Variants in FBN1 observed in about 807,000 individuals in gnomAD.
FBN1 encodes the protein fibrillin 1.
In FBN1, 29 loss-of-function variants were observed where a neutral mutation model predicts 365.1. The observed-to-expected ratio is 0.08, with a 90% CI of 0.06 to 0.11. The LOEUF is 0.11. Among genes scored for constraint, FBN1 ranks in the 10% least tolerant of loss-of-function variants. The pLI is 1.00. For synonymous variants in FBN1, 1,210 were observed against 1,270.5 expected (o/e 0.95, Z 1.01); for missense variants, 2,476 against 3,703.2 (o/e 0.67, Z 8.60).
chr15:48,644,395 C>G, intron 2 of FBN1: 1 of 685,034 alleles, frequency 1.5e-6, no homozygotes, highest in Non-Finnish European at 2.5e-6. Context: ...TTCCATTTAA[C>G]CACGTCCTCT....
intron 43 of FBN1, 81 bp from the exon 44 acceptor site, chr15:48,456,843 C>CGTGTGCGTGCGTGTGT (rs2043243497): frequency 4.0e-6 from 3 of 744,622 alleles, no homozygotes; most frequent in Non-Finnish European, 6.8e-6. Context: ...AAAGTGCGTG[C>CGTGTGCGTGCGTGTGT]GTGTGTGTGT....
At chr15:48,569,278 C>T (rs2044286428) in intron 6 of FBN1, among the ~76,000 whole-genome samples, 3 of 152,164 alleles carry the variant, frequency 2.0e-5, no homozygotes, top group African/African-American at 2.4e-5. Context: ...GACATCATTT[C>T]ACATCCACTA....
chr15:48,420,734 C>G lies in FBN1; in HGVS notation c.7772G>C (p.Ser2591Thr). ...GTGCTGGAGGTAGCCCTGGGGGCAGCTGCACCTGTAGCCCCCAATGATGTT... is the reference window on the plus strand; with the variant it reads ...GTGCTGGAGGTAGCCCTGGGGGCAGGTGCACCTGTAGCCCCCAATGATGTT... ...CQNIIGGYRCSCPQGYLQHYQ... is the reference protein window; with the variant it reads ...CQNIIGGYRCTCPQGYLQHYQ... Residue 2591 changes from serine (S) to threonine (T), a missense_variant, in exon 63 of 66, where the codon AGC (serine) becomes ACC (threonine). Transcript: ENST00000316623. The G allele has an allele frequency of 6.2e-7, 1 of 1,614,150 alleles. No homozygotes were observed. Among genetic ancestry groups the G allele is most frequent in the Non-Finnish European group, 8.5e-7 (1 of 1,180,010 alleles).
intron 6 of FBN1, among the ~76,000 whole-genome samples, chr15:48,547,335 G>C (rs1356974941): frequency 6.6e-6 from 1 of 152,154 alleles, no homozygotes; most frequent in African/African-American, 2.4e-5. Flanking sequence ...TCCTGGCGTG[G>C]TGGGTGGGAT....
chr15:48,597,795 T>C (rs1359676529), intron 5 of FBN1, among the ~76,000 whole-genome samples: 1 of 152,228 alleles, frequency 6.6e-6, no homozygotes, highest in African/African-American at 2.4e-5. Context: ...ATGAAGAGCT[T>C]CTAAACAGAA....
At chr15:48,555,010 C>G (rs954800587) in intron 6 of FBN1, among the ~76,000 whole-genome samples, 3 of 152,120 alleles carry the variant, frequency 2.0e-5, no homozygotes, top group African/African-American at 7.2e-5. Context: ...GTTTCTTCAA[C>G]GTGAGACAGA....
chr15:48,516,048 T>C lies in FBN1; in HGVS notation c.1327+135A>G, dbSNP rs980348490. 4.7e-6 allele frequency: 4 copies of C among 854,656 alleles called. No homozygotes were observed. In the African/African-American group the frequency reaches 6.9e-5, roughly 15 times the overall value. The allele number at this position is 854,656 out of a possible 1,614,324, so 52.9% of individuals were successfully genotyped here. On this transcript the variant is annotated intron_variant, in intron 11 of 65. Transcript: ENST00000316623. ...GACATACATATGATATAGATATAGA[T>C]AACATTATGTAAACCAAAAATTAAT... is the stretch of plus-strand genomic sequence containing the variant.
chr15:48,645,104 C>A (rs148978012), intron 1 of FBN1, among the ~76,000 whole-genome samples, 154 bp from the exon 2 acceptor site: 95 of 152,376 alleles, frequency 6.2e-4, no homozygotes, highest in Admixed American at 1.6e-3. Flanking sequence ...CCACAGCTGG[C>A]TGGAAAGCCC....
Position 48,596,258 on chromosome 15 carries a change from C to T in FBN1, c.538+25G>A, listed in dbSNP as rs61323481. ...AGCTTTAGGTACCAGCATGTCTTTA[C>T]GTAAATGATTTTAAAAACCATTACC... On this transcript the variant is annotated intron_variant, in intron 6 of 65. Coordinates refer to ENST00000316623, the MANE Select transcript of FBN1 (RefSeq NM_000138.5). The T allele has an allele frequency of 2.8e-3, 4,448 of 1,600,402 alleles. 115 individuals are homozygous for T. In the African/African-American group the frequency reaches 0.052, roughly 19 times the overall value.
rs753656400 is a variant in FBN1, at chr15:48,411,230, T to C, written c.8376A>G (p.Arg2792=). 1 of 1,614,192 alleles carries C rather than the reference T, an allele frequency of 6.2e-7. No homozygotes were observed. Among genetic ancestry groups the C allele is most frequent in the South Asian group, 1.1e-5 (1 of 91,082 alleles). The change falls in exon 66 of 66, where the codon AGA becomes AGG. Residue 2792 remains arginine (R), a synonymous_variant. Coordinates refer to ENST00000316623, the MANE Select transcript of FBN1 (RefSeq NM_000138.5). ...PALTTLTNHN[R]YLIESGNEDG... is the part of the protein sequence containing the mutation. ...CTTCATTTCCAGATTCGATCAAGTATCTGTTGTGATTCGTCAGAGTTGTAA... is the reference window on the plus strand; with the variant it reads ...CTTCATTTCCAGATTCGATCAAGTACCTGTTGTGATTCGTCAGAGTTGTAA...
chr15:48,494,368 G>C (rs1758165404), intron 22 of FBN1, 114 bp from the exon 23 acceptor site: 2 of 800,560 alleles, frequency 2.5e-6, no homozygotes, highest in South Asian at 2.8e-5. Context: ...ACATGAAGTA[G>C]ATTGTGTTGC....
At chr15:48,468,371 C>A in intron 37 of FBN1, 41 bp downstream of exon 37, 1 of 1,612,364 alleles carries the variant, frequency 6.2e-7, no homozygotes, top group Non-Finnish European at 8.5e-7. Context: ...CAAAATAATA[C>A]ACAGTATGCT....
intron 21 of FBN1, 28 bp from the exon 22 acceptor site, chr15:48,495,288 G>A (rs1360660288): frequency 6.2e-7 from 1 of 1,611,372 alleles, no homozygotes; most frequent in Admixed American, 1.7e-5. Context: ...ATATTTAATA[G>A]AATCTATATA....
chr15:48,422,128 T>TG (rs2141222690), intron 60 of FBN1, 60 bp from the exon 61 acceptor site: 1 of 1,168,354 alleles, frequency 8.6e-7, no homozygotes, highest in African/African-American at 1.5e-5. Context: ...TCAGGGAAGC[T>TG]GACCCTATGA....
chr15:48,527,059 C>T (rs568324387), intron 8 of FBN1, among the ~76,000 whole-genome samples: 5 of 152,318 alleles, frequency 3.3e-5, no homozygotes, highest in Admixed American at 2.6e-4. Flanking sequence ...CCTCCGATTC[C>T]CCAATTCCTT....
rs2043544817 is a variant in FBN1 at position 48,490,035 on chromosome 15, CTCCTCG to C, written c.2892_2897del (p.Asp964_Glu965del). On this transcript the variant is annotated inframe_deletion, in exon 25 of 66. Transcript: ENST00000316623. ...GGCGGCCAGCAATAGGCAGGGTGCA[CTCCTCG>C]TCCTCGTACCTCAGGAAGCAGGTTT... 1 of 1,614,000 alleles carries C rather than the reference CTCCTCG, an allele frequency of 6.2e-7. No individual in the cohort carries two copies. The highest frequency in any genetic ancestry group is 1.3e-5 in the African/African-American group (1 of 74,896).
intron 15 of FBN1, among the ~76,000 whole-genome samples, chr15:48,505,717 AC>A (rs1364516610): frequency 6.6e-6 from 1 of 152,212 alleles, no homozygotes; most frequent in East Asian, 1.9e-4. Flanking sequence ...TTGGCCAATA[AC>A]AGCACTGTAT....
At chr15:48,543,372 C>T (rs1244624749) in intron 6 of FBN1, among the ~76,000 whole-genome samples, 2 of 152,190 alleles carry the variant, frequency 1.3e-5, no homozygotes, top group Admixed American at 6.5e-5. Flanking sequence ...TATTTAGCAT[C>T]AGTAACACCA....
chr15:48,439,062 C>T (rs1001057635), intron 50 of FBN1, among the ~76,000 whole-genome samples: 3 of 152,206 alleles, frequency 2.0e-5, no homozygotes, highest in African/African-American at 7.2e-5. Flanking sequence ...CACCTAAGCA[C>T]TTCTGTTAAG....
Sources: allele counts gnomAD v4.1 joint callset (sites outside exome capture counted in the v4.1 genomes callset), GRCh38; gene constraint gnomAD v4.1.1; transcripts MANE v1.5; gene names NCBI Gene and HGNC (gene_info 2026-07-23, HGNC 2026-07-21).